LDLRAD4: variants seen among roughly 807,000 people sequenced by gnomAD.
LDLRAD4 encodes low density lipoprotein receptor class A domain containing 4.
A neutral mutation model predicts 17.0 loss-of-function variants in LDLRAD4; 5 were observed. That is an observed-to-expected ratio of 0.29 (90% CI 0.15 to 0.62). The LOEUF is 0.62. Among genes scored for constraint, LDLRAD4 ranks in the 20% least tolerant of loss-of-function variants. The pLI, the probability that LDLRAD4 is intolerant of heterozygous loss-of-function variation, is 0.84. For synonymous variants in LDLRAD4, 168 were observed against 171.8 expected, an observed-to-expected ratio of 0.98 and a Z score of 0.17; for missense variants, 340 against 424.7, an observed-to-expected ratio of 0.80 and a Z score of 1.75.
intron 3 of LDLRAD4, among the ~76,000 whole-genome samples, chr18:13,450,376 T>TA (rs1335191562): frequency 7.6e-6 from 1 of 131,128 alleles, no homozygotes; most frequent in Non-Finnish European, 1.6e-5. Flanking sequence ...TTAGTTTTCA[T>TA]AAGTTGTTGA....
chr18:13,442,699 T>C (rs1461044684), intron 3 of LDLRAD4, among the ~76,000 whole-genome samples: 1 of 152,220 alleles, frequency 6.6e-6, no homozygotes, highest in African/African-American at 2.4e-5. Context: ...CCTGTGGTGC[T>C]GTGTTTCCAA....
intron 2 of LDLRAD4, among the ~76,000 whole-genome samples, chr18:13,415,693 G>A (rs1394249308): frequency 1.3e-5 from 2 of 152,204 alleles, no homozygotes; most frequent in African/African-American, 2.4e-5. Flanking sequence ...ACGGTCCCTT[G>A]CAAACCCTTG....
chr18:13,481,458 A>G (rs978545646), intron 3 of LDLRAD4, among the ~76,000 whole-genome samples: 1 of 152,142 alleles, frequency 6.6e-6, no homozygotes, highest in African/African-American at 2.4e-5. Flanking sequence ...TGTCAGCAAC[A>G]TGATTTCTGA....
chr18:13,468,047 T>C lies in LDLRAD4; in HGVS notation c.181+29663T>C, dbSNP rs115328545. Among the ~76,000 whole-genome samples, 560 of 152,120 alleles carry C rather than the reference T, an allele frequency of 3.7e-3. 3 individuals carry two copies. Among genetic ancestry groups the C allele is most frequent in the African/African-American group, 0.012 (516 of 41,496 alleles). On this transcript the variant is annotated intron_variant, in intron 3 of 5. Transcript: ENST00000359446. The stretch of plus-strand genomic sequence containing the variant: ...AGCATAAAATTCGTAGGAGAAAACA[T>C]AGGGGTAAGTTTTCATGATGTTGGA...
intron 1 of LDLRAD4, among the ~76,000 whole-genome samples, chr18:13,222,319 T>C (rs2041503351): frequency 6.6e-6 from 1 of 151,906 alleles, no homozygotes; most frequent in Non-Finnish European, 1.5e-5. Flanking sequence ...TTCTTTTTCT[T>C]CCTTTTTTTT....
At chr18:13,446,769 G>A (rs1379230699) in intron 3 of LDLRAD4, among the ~76,000 whole-genome samples, 1 of 152,230 alleles carries the variant, frequency 6.6e-6, no homozygotes, top group Non-Finnish European at 1.5e-5. Flanking sequence ...CACCTGCTGC[G>A]GGCGCCAAGA....
chr18:13,344,790 C>T (rs1599558877), intron 1 of LDLRAD4, among the ~76,000 whole-genome samples: 2 of 152,134 alleles, frequency 1.3e-5, no homozygotes, highest in South Asian at 4.2e-4. Flanking sequence ...TTGAAGAGGT[C>T]CTTCACATCC....
chr18:13,577,376 G>A (rs1456731568), intron 3 of LDLRAD4, among the ~76,000 whole-genome samples: 4 of 152,182 alleles, frequency 2.6e-5, no homozygotes, highest in African/African-American at 9.7e-5. Context: ...GAGTCTCCAA[G>A]CGCGGCTGTG....
At chr18:13,340,232 A>G (rs2144028384) in intron 1 of LDLRAD4, among the ~76,000 whole-genome samples, 1 of 152,280 alleles carries the variant, frequency 6.6e-6, no homozygotes, top group Middle Eastern at 3.4e-3. Context: ...ATGAACATTG[A>G]TGTACCCATG....
intron 4 of LDLRAD4, among the ~76,000 whole-genome samples, chr18:13,639,616 T>C (rs2042352610): frequency 6.6e-6 from 1 of 152,206 alleles, no homozygotes; most frequent in South Asian, 2.1e-4. Flanking sequence ...CTGGGTTTTC[T>C]GGGTAGCAGC....
chr18:13,421,857 G>A lies in LDLRAD4; in HGVS notation c.41-16387G>A, dbSNP rs189408291. Among the ~76,000 whole-genome samples, 78 of 152,346 alleles carry A rather than the reference G, an allele frequency of 5.1e-4. No homozygotes were observed. In the East Asian group the frequency reaches 0.012, roughly 23 times the overall value. On this transcript the variant is annotated intron_variant, in intron 2 of 5. Transcript: ENST00000359446. ...TGCCAGAAAGCTAGCCTGGGGGACG[G>A]GCCTGGGGCTGGGGTGGGCAGGAGT...
chr18:13,507,704 C>T (rs1419709427), intron 3 of LDLRAD4, among the ~76,000 whole-genome samples: 1 of 152,212 alleles, frequency 6.6e-6, no homozygotes, highest in Non-Finnish European at 1.5e-5. Flanking sequence ...CCATATAAGA[C>T]AGTGAACTTA....
chr18:13,329,418 T>C (rs2081725102), intron 1 of LDLRAD4, among the ~76,000 whole-genome samples: 1 of 152,234 alleles, frequency 6.6e-6, no homozygotes, highest in South Asian at 2.1e-4. Flanking sequence ...AGGTTGTCTT[T>C]CCACAGGTTT....
At chr18:13,476,150 T>C (rs1255912864) in intron 3 of LDLRAD4, among the ~76,000 whole-genome samples, 2 of 152,204 alleles carry the variant, frequency 1.3e-5, no homozygotes, top group Non-Finnish European at 2.9e-5. Context: ...TGCCTGTGGC[T>C]TCCTTATGGA....
At chr18:13,218,343 G>A (rs947887601), upstream of LDLRAD4, among the ~76,000 whole-genome samples, 2 of 152,210 alleles carry the variant, frequency 1.3e-5, no homozygotes, top group African/African-American at 2.4e-5. Flanking sequence ...CGCGGGCGGG[G>A]TTACGCCGGT....
At chr18:13,281,272 C>A (rs1370739093) in intron 1 of LDLRAD4, among the ~76,000 whole-genome samples, 2 of 152,082 alleles carry the variant, frequency 1.3e-5, no homozygotes, top group African/African-American at 4.8e-5. Flanking sequence ...GCCTGTGGTC[C>A]CAGCTACTCA....
At chr18:13,323,492 G>T (rs2081360835) in intron 1 of LDLRAD4, among the ~76,000 whole-genome samples, 1 of 152,202 alleles carries the variant, frequency 6.6e-6, no homozygotes, top group Non-Finnish European at 1.5e-5. Context: ...CTCTTTTCTT[G>T]CTTCCAAGTC....
intron 4 of LDLRAD4, among the ~76,000 whole-genome samples, chr18:13,628,058 G>T (rs2041329706): frequency 6.6e-6 from 1 of 152,194 alleles, no homozygotes; most frequent in Non-Finnish European, 1.5e-5. Flanking sequence ...CAGTGTCCTG[G>T]GATCCCTCGG....
chr18:13,332,602 T>C (rs1477403135), intron 1 of LDLRAD4, among the ~76,000 whole-genome samples: 1 of 152,264 alleles, frequency 6.6e-6, no homozygotes, highest in Non-Finnish European at 1.5e-5. Flanking sequence ...TGATTCTCAC[T>C]GTCTCCATAG....
Sources: allele counts gnomAD v4.1 joint callset (sites outside exome capture counted in the v4.1 genomes callset), GRCh38; gene constraint gnomAD v4.1.1; transcripts MANE v1.5; gene names NCBI Gene and HGNC (gene_info 2026-07-23, HGNC 2026-07-21).